PAX1: variants seen among roughly 807,000 people sequenced by gnomAD.
PAX1 encodes paired box protein Pax-1.
PAX1 carries 18 observed loss-of-function variants against 35.6 expected under a neutral mutation model. The observed-to-expected ratio is 0.50, with a 90% CI of 0.35 to 0.75. PAX1 has a LOEUF of 0.75. Ranked by LOEUF, PAX1 falls within the 30% of genes least tolerant of loss-of-function variation. The pLI, the probability that PAX1 is intolerant of heterozygous loss-of-function variation, is 0.01. For synonymous variants in PAX1, 397 were observed against 305.2 expected (o/e 1.30, Z -3.14); for missense variants, 760 against 661.5 (o/e 1.15, Z -1.63).
At chr20:21,711,095 CAAAAT>C in intron 4 of PAX1, among the ~76,000 whole-genome samples, 1 of 152,294 alleles carries the variant, frequency 6.6e-6, no homozygotes, top group Non-Finnish European at 1.5e-5. Flanking sequence ...AAATCGAAAT[CAAAAT>C]AAAATTTACC....
chr20:21,708,522 G>T (rs769768726), intron 2 of PAX1, 36 bp from the exon 3 acceptor site: 1 of 1,611,836 alleles, frequency 6.2e-7, no homozygotes, highest in African/African-American at 1.3e-5. Context: ...GGGCAGATTC[G>T]GAGGCACCTT....
chr20:21,710,098 G>T (rs116112094), intron 4 of PAX1, among the ~76,000 whole-genome samples: 2 of 147,440 alleles, frequency 1.4e-5, no homozygotes, highest in African/African-American at 2.5e-5. Context: ...TGGGCGGGTG[G>T]GGGGGTTCTC....
Position 21,717,945 on chromosome 20 carries a change from T to A in PAX1, c.*3383T>A, listed in dbSNP as rs1411252112. On this transcript the variant is annotated 3_prime_UTR_variant, in exon 5 of 5. Coordinates refer to ENST00000613128, the MANE Select transcript of PAX1 (RefSeq NM_001257096.2). ...ACATGCATGCGGGAAAATATGTTTC[T>A]GTCTATGTGTTATTTGAAAGTGCAC... The A allele has an allele frequency of 6.6e-6, 1 of 152,246 alleles. No individual in the cohort carries two copies. The highest frequency in any genetic ancestry group is 1.5e-5 in the Non-Finnish European group (1 of 68,048). The allele number at this position is 152,246 out of a possible 1,614,324, so 9.4% of individuals were successfully genotyped here.
At position 21,713,373 on chromosome 20, in the gene PAX1, CT is replaced by C. The variant is rs113207408; in HGVS notation, c.1283-1088del. On this transcript the variant is annotated intron_variant, in intron 4 of 4. Transcript: ENST00000613128. ...AAACCTCAACGAAACCGTGTGTTTT[CT>C]TTTTTTTTTGTGTGTGTGTGTGTGT... Among the ~76,000 whole-genome samples the C allele has an allele frequency of 6.8e-3, 842 of 124,212 alleles. 12 individuals are homozygous for C. The highest frequency in any genetic ancestry group is 0.031 in the African/African-American group (768 of 24,802). 81.5% of individuals were successfully genotyped at this position (124,212 alleles called of 152,430 possible). A position where few individuals can be genotyped will look rare whatever the true frequency, so the allele number is the denominator to read the frequency against.
At position 21,706,271 on chromosome 20, in the gene PAX1, A is replaced by C. The variant is rs546022690; in HGVS notation, c.287-167A>C. 26 of 966,830 alleles carry C rather than the reference A, an allele frequency of 2.7e-5. No homozygotes were observed. 59.9% of individuals were successfully genotyped at this position (966,830 alleles called of 1,614,324 possible). ...GCTCCTCTGCGCCCTTGCCCACTCCAAGCCAGACCCAGGCGGTTTGCCCTT... is the reference window on the plus strand; with the variant it reads ...GCTCCTCTGCGCCCTTGCCCACTCCCAGCCAGACCCAGGCGGTTTGCCCTT... On this transcript the variant is annotated intron_variant, in intron 1 of 4. Transcript: ENST00000613128. The surrounding 1 kb of genome is among the most constrained non-coding windows in gnomAD (Gnocchi z 5.3).
In PAX1 at chr20:21,705,828, G is replaced by T; in HGVS notation, c.116G>T (p.Arg39Leu). The T allele has an allele frequency of 7.4e-7, 1 of 1,348,772 alleles. No homozygotes were observed. The highest frequency in any genetic ancestry group is 1.5e-5 in the African/African-American group (1 of 65,142). The allele number at this position is 1,348,772 out of a possible 1,614,324, so 83.6% of individuals were successfully genotyped here. A position where few individuals can be genotyped will look rare whatever the true frequency, so the allele number is the denominator to read the frequency against. The change falls in exon 1 of 5, where the codon CGC (arginine) becomes CTC (leucine). Residue 39 changes from arginine to leucine, a missense_variant. Arg to Leu is a moderately radical substitution (Grantham distance 102). This residue lies in a region of PAX1 where 222 missense variants were observed against 153.0 expected (regional missense o/e 1.45). Transcript: ENST00000613128. ...AGCGCGCTCCGCTGCCGCGCACAGC[G>T]CGTCTCCAGCCCGCGGCTGGGCCGC... ...GGSALRCRAQ[R>L]VSSPRLGRRG... is the part of the protein sequence containing the mutation.
chr20:21,707,024 G>T lies in PAX1; in HGVS notation c.873G>T (p.Ser291=), dbSNP rs199575819. 140 of 1,612,962 alleles carry T rather than the reference G, an allele frequency of 8.7e-5. No individual in the cohort carries two copies. The highest frequency in any genetic ancestry group is 1.2e-4 in the Non-Finnish European group (139 of 1,180,024). The change falls in exon 2 of 5, where the codon TCG becomes TCT. Residue 291 remains serine, a synonymous_variant. Coordinates refer to ENST00000613128, the MANE Select transcript of PAX1 (RefSeq NM_001257096.2). Reference sequence around the variant, plus strand: ...CGCGCTCATGGCCCTCGGCACACTCGGTCAGCAACATCCTGGGCATCCGGA... The same window carrying T: ...CGCGCTCATGGCCCTCGGCACACTCTGTCAGCAACATCCTGGGCATCCGGA... ...SIPRSWPSAH[S]VSNILGIRTF...
chr20:21,710,916 A>G (rs1319709462), intron 4 of PAX1, among the ~76,000 whole-genome samples: 2 of 152,238 alleles, frequency 1.3e-5, no homozygotes, highest in Non-Finnish European at 2.9e-5. Context: ...ATAGGATACT[A>G]TCATTTACTC....
rs1241915506 is a variant in PAX1 at position 21,717,535 on chromosome 20, T to G, written c.*2973T>G. The G allele has an allele frequency of 6.6e-6, 1 of 152,186 alleles. No individual in the cohort carries two copies. The allele number at this position is 152,186 out of a possible 1,614,324, so 9.4% of individuals were successfully genotyped here. ...CAGAATTTAAATATTTTCCAAAAGA[T>G]CCCATTGGAATATTGCACTTTTGCT... On this transcript the variant is annotated 3_prime_UTR_variant, in exon 5 of 5. Coordinates refer to ENST00000613128, the MANE Select transcript of PAX1 (RefSeq NM_001257096.2).
chr20:21,706,896 A>C lies in PAX1; in HGVS notation c.745A>C (p.Asn249His). 1 of 1,613,460 alleles carries C rather than the reference A, an allele frequency of 6.2e-7. No homozygotes were observed. Among genetic ancestry groups the C allele is most frequent in the Non-Finnish European group, 8.5e-7 (1 of 1,179,994 alleles). Residue 249 changes from asparagine to histidine, a missense_variant, in exon 2 of 5, where the codon AAC becomes CAC. Around this residue, in one of 3 missense-constraint regions of PAX1, gnomAD observed 490 missense variants for 428.4 expected, o/e 1.14. Transcript: ENST00000613128. The surrounding 1 kb of genome is among the most constrained non-coding windows in gnomAD (Gnocchi z 5.3). ...GCCGTCGCAGCCTACGCTGCCCTAC[A>C]ACCACATCTACCAGTACCCCTACCC... is the stretch of plus-strand genomic sequence containing the variant. ...QPPSQPTLPY[N>H]HIYQYPYPSP...
intron 4 of PAX1, among the ~76,000 whole-genome samples, chr20:21,711,025 G>A (rs768219072): frequency 5.3e-5 from 8 of 152,176 alleles, no homozygotes; most frequent in Non-Finnish European, 1.0e-4. Context: ...GCAGATGAGC[G>A]CTTCACTCAT....
At position 21,706,685 on chromosome 20, in the gene PAX1, C is replaced by T; in HGVS notation, c.534C>T (p.Val178=). 6.2e-7 allele frequency: 1 copy of T among 1,613,190 alleles called. No homozygotes were observed. Among genetic ancestry groups the T allele is most frequent in the Non-Finnish European group, 8.5e-7 (1 of 1,180,044 alleles). ...CCCGCGTCACCACTCCCAACGTGGTCAAGCACATCCGGGACTACAAGCAAG... is the reference window on the plus strand; with the variant it reads ...CCCGCGTCACCACTCCCAACGTGGTTAAGCACATCCGGGACTACAAGCAAG... ...SKPRVTTPNV[V]KHIRDYKQGD... Residue 178 remains valine, a synonymous_variant, in exon 2 of 5, where the codon GTC becomes GTT. Transcript: ENST00000613128. This position sits in a 1 kb window ranked among gnomAD's most constrained non-coding sequence, Gnocchi z 5.3.
In PAX1 at chr20:21,705,836, AGCCCGCGGCTGGGCCGCCGCGGCTCTC is replaced by A; in HGVS notation, c.126_152del (p.Ser42_Ser50del). 1 of 1,361,192 alleles carries A rather than the reference AGCCCGCGGCTGGGCCGCCGCGGCTCTC, an allele frequency of 7.3e-7. No homozygotes were observed. The highest frequency in any genetic ancestry group is 9.5e-7 in the Non-Finnish European group (1 of 1,051,546). 84.3% of individuals were successfully genotyped at this position (1,361,192 alleles called of 1,614,324 possible). On this transcript the variant is annotated inframe_deletion, in exon 1 of 5. Coordinates refer to ENST00000613128, the MANE Select transcript of PAX1 (RefSeq NM_001257096.2). ...CCGCTGCCGCGCACAGCGCGTCTCC[AGCCCGCGGCTGGGCCGCCGCGGCTCTC>A]GGCTCTCGGGCGCCCTCCCTCTATG...
rs763844696 is a variant in PAX1 at position 21,707,078 on chromosome 20, G to A, written c.916+11G>A. The A allele has an allele frequency of 3.7e-6, 6 of 1,613,018 alleles. No homozygotes were observed. In the South Asian group the frequency reaches 6.6e-5, roughly 18 times the overall value. On this transcript the variant is annotated intron_variant, in intron 2 of 4. Transcript: ENST00000613128. ...TTATGGAGCAAACAGGTCAGTTGTG[G>A]CGGCCTCCGTAGCCTTCTATTAAGG...
chr20:21,715,077 C>G lies in PAX1; in HGVS notation c.*515C>G, dbSNP rs951376659. 3.5e-5 allele frequency: 20 copies of G among 567,116 alleles called. No individual in the cohort carries two copies. The East Asian group carries it at 5.7e-4, about 16-fold the overall frequency. 35.1% of individuals were successfully genotyped at this position (567,116 alleles called of 1,614,324 possible). A position where few individuals can be genotyped will look rare whatever the true frequency, so the allele number is the denominator to read the frequency against. On this transcript the variant is annotated 3_prime_UTR_variant, in exon 5 of 5. Transcript: ENST00000613128. ...TCTGCTCCAGTCCCGCTTCTTCCCC[C>G]GTCTCCTCTTTCTAGTCCTCTATAT... is the stretch of plus-strand genomic sequence containing the variant.
rs752710891 is a variant in PAX1, at chr20:21,706,493, C to G, written c.342C>G (p.Pro114=). Residue 114 remains proline (P), a synonymous_variant, in exon 2 of 5, where the codon CCC becomes CCG. Transcript: ENST00000613128. This position sits in a 1 kb window ranked among gnomAD's most constrained non-coding sequence, Gnocchi z 5.3. ...GCGGTGTGTTCGTCAACGGCCGCCC[C>G]CTGCCCAACGCCATCCGCTTGCGCA... The part of the protein sequence containing the change: ...QLGGVFVNGR[P]LPNAIRLRIV... The G allele has an allele frequency of 3.1e-6, 5 of 1,611,876 alleles. No individual in the cohort carries two copies. The highest frequency in any genetic ancestry group is 4.2e-6 in the Non-Finnish European group (5 of 1,179,402).
chr20:21,711,227 C>T (rs898253374), intron 4 of PAX1, among the ~76,000 whole-genome samples: 2 of 152,236 alleles, frequency 1.3e-5, no homozygotes, highest in African/African-American at 4.8e-5. Context: ...AAAAAAGACC[C>T]ACAGTCTTCA....
rs892492586 is a variant in PAX1, at chr20:21,717,207, C to T, written c.*2645C>T. 6.6e-6 allele frequency: 1 copy of T among 152,236 alleles called. No homozygotes were observed. The highest frequency in any genetic ancestry group is 1.5e-5 in the Non-Finnish European group (1 of 68,062). 9.4% of individuals were successfully genotyped at this position (152,236 alleles called of 1,614,324 possible). A position where few individuals can be genotyped will look rare whatever the true frequency, so the allele number is the denominator to read the frequency against. On this transcript the variant is annotated 3_prime_UTR_variant, in exon 5 of 5. Coordinates refer to ENST00000613128, the MANE Select transcript of PAX1 (RefSeq NM_001257096.2). ...GCATTCACTGAGGATAGGCAGCCTTCGTCCCAGAGCCAGCAGGCTCTGACA... is the reference window on the plus strand; with the variant it reads ...GCATTCACTGAGGATAGGCAGCCTTTGTCCCAGAGCCAGCAGGCTCTGACA...
chr20:21,714,577 G>A lies in PAX1; in HGVS notation c.*15G>A, dbSNP rs762247909. 1 of 1,580,846 alleles carries A rather than the reference G, an allele frequency of 6.3e-7. No individual in the cohort carries two copies. On this transcript the variant is annotated 3_prime_UTR_variant, in exon 5 of 5. Transcript: ENST00000613128. ...CGACCTCCTAGGGGCAGCTCTCCCC[G>A]GACCCGAGCCCGGAGGGAACGGCAG...
Sources: gnomAD v4.1 joint callset for allele counts (sites outside exome capture counted in the v4.1 genomes callset) on GRCh38, gnomAD v4.1.1 for gene constraint, gnomAD v4.1.1 regional missense constraint, Gnocchi (gnomAD v3.1) non-coding constraint, MANE v1.5 for transcripts, NCBI Gene and HGNC (gene_info 2026-07-23, HGNC 2026-07-21) for gene names.